Variants in PAG1 observed in about 807,000 individuals in gnomAD.
PAG1 encodes the protein phosphoprotein associated with glycosphingolipid-enriched microdomains 1.
In PAG1, 23 loss-of-function variants were observed where a neutral mutation model predicts 31.7. The observed-to-expected ratio is 0.73, with a 90% CI of 0.52 to 1.03. The LOEUF (loss-of-function observed/expected upper bound fraction) is 1.03, where lower values mean the gene tolerates loss of function less well. Among genes scored for constraint, PAG1 ranks in the 50% least tolerant of loss-of-function variants. The pLI is 0.00. For missense variants in PAG1, 473 were observed against 540.7 expected (o/e 0.87, Z 1.24); for synonymous variants, 214 against 210.3 (o/e 1.02, Z -0.15).
intron 3 of PAG1, among the ~76,000 whole-genome samples, chr8:81,005,227 T>G (rs1158472151): frequency 6.6e-6 from 1 of 152,178 alleles, no homozygotes; most frequent in Non-Finnish European, 1.5e-5. Flanking sequence ...TCCAGGTAAT[T>G]GTTTTCTGCT....
intron 1 of PAG1, among the ~76,000 whole-genome samples, chr8:81,106,615 T>A (rs1371283195): frequency 1.3e-5 from 2 of 152,182 alleles, no homozygotes; most frequent in African/African-American, 2.4e-5. Flanking sequence ...CAAAATATTA[T>A]AATCACAATA....
intron 2 of PAG1, among the ~76,000 whole-genome samples, chr8:81,041,520 C>T (rs898334308): frequency 2.0e-5 from 3 of 152,128 alleles, no homozygotes; most frequent in Admixed American, 6.5e-5. Flanking sequence ...ACTTTATATC[C>T]CTATTCCCAT....
chr8:81,099,367 G>A (rs1466137654), intron 1 of PAG1, among the ~76,000 whole-genome samples: 2 of 152,176 alleles, frequency 1.3e-5, no homozygotes, highest in Non-Finnish European at 2.9e-5. Context: ...AAAAGTAGTA[G>A]AGGGGGTGAC....
At chr8:81,053,429 T>G (rs1808764836) in intron 2 of PAG1, among the ~76,000 whole-genome samples, 1 of 152,236 alleles carries the variant, frequency 6.6e-6, no homozygotes, top group South Asian at 2.1e-4. Flanking sequence ...GATTCATATT[T>G]CCATGGCTTA....
At chr8:81,092,293 A>T (rs1257432042) in intron 1 of PAG1, among the ~76,000 whole-genome samples, 1 of 149,280 alleles carries the variant, frequency 6.7e-6, no homozygotes, top group Non-Finnish European at 1.5e-5. Context: ...CTGAGGCGGG[A>T]GGATTGCTTG....
intron 1 of PAG1, among the ~76,000 whole-genome samples, chr8:81,104,384 T>G (rs1352704661): frequency 1.9e-4 from 18 of 96,070 alleles, no homozygotes; most frequent in African/African-American, 7.7e-4. Flanking sequence ...TTGGCCTTCG[T>G]CCTTTTTTTT....
chr8:81,011,422 T>C (rs1807982781), intron 3 of PAG1, among the ~76,000 whole-genome samples: 1 of 152,210 alleles, frequency 6.6e-6, no homozygotes. Context: ...CCTGCCGCCA[T>C]GTAAGACATA....
chr8:81,025,472 GAGCAACTGTCT>G (rs1808259492), intron 3 of PAG1, among the ~76,000 whole-genome samples: 1 of 152,156 alleles, frequency 6.6e-6, no homozygotes, highest in Admixed American at 6.5e-5. Flanking sequence ...AGGCCTCCAG[GAGCAACTGTCT>G]AAATCCCCAT....
intron 2 of PAG1, among the ~76,000 whole-genome samples, chr8:81,045,967 A>G (rs545896705): frequency 2.0e-5 from 3 of 152,244 alleles, no homozygotes; most frequent in Non-Finnish European, 4.4e-5. Context: ...GTGTAACAGC[A>G]TAACTCGACC....
rs1377448009 is a variant in PAG1, at chr8:80,968,276, T to G, written c.*8268A>C. On this transcript the variant is annotated 3_prime_UTR_variant, in exon 9 of 9. Coordinates refer to ENST00000220597, the MANE Select transcript of PAG1 (RefSeq NM_018440.4). ...TTATTTCGTTTGTCCCCATAACATC[T>G]CTATGAGGTAGGCAATGGTTAGTAT... The G allele has an allele frequency of 6.6e-6, 1 of 152,232 alleles. No homozygotes were observed. The highest frequency in any genetic ancestry group is 1.5e-5 in the Non-Finnish European group (1 of 68,050). 9.4% of individuals were successfully genotyped at this position (152,232 alleles called of 1,614,324 possible).
intron 1 of PAG1, among the ~76,000 whole-genome samples, chr8:81,077,881 C>T (rs900734429): frequency 6.6e-6 from 1 of 152,152 alleles, no homozygotes; most frequent in Admixed American, 6.5e-5. Context: ...TCAAAGAGAG[C>T]CAGAAGGGAA....
Position 81,020,636 on chromosome 8 carries a change from T to C in PAG1, c.-81+9360A>G, listed in dbSNP as rs137869795. Among the ~76,000 whole-genome samples, 155 of 152,330 alleles carry C rather than the reference T, an allele frequency of 1.0e-3. 3 individuals carry two copies. The East Asian group carries it at 0.029, about 28-fold the overall frequency. ...GTGATTCCATTAAACCTCTTTCCTTTATAAATTACCCAGTCTTGTGTATGT... is the reference window on the plus strand; with the variant it reads ...GTGATTCCATTAAACCTCTTTCCTTCATAAATTACCCAGTCTTGTGTATGT... On this transcript the variant is annotated intron_variant, in intron 3 of 8. Transcript: ENST00000220597.
rs543646776 is a variant in PAG1, at chr8:81,103,459, C to T, written c.-234+8132G>A. On this transcript the variant is annotated intron_variant, in intron 1 of 8. Transcript: ENST00000220597. ...ACCCACCCATCTGAACCCTGTATCT[C>T]AGTTTCCTCATATGTATAACGGGAG... Among the ~76,000 whole-genome samples, 12 of 152,308 alleles carry T rather than the reference C, an allele frequency of 7.9e-5. No homozygotes were observed. In the South Asian group the frequency reaches 2.5e-3, roughly 32 times the overall value.
At chr8:81,082,252 C>CAAAAA (rs748117144) in intron 1 of PAG1, among the ~76,000 whole-genome samples, 649 of 40,198 alleles carry the variant, frequency 0.016, no homozygotes, top group Non-Finnish European at 0.026. Flanking sequence ...GACTCTGTCT[C>CAAAAA]AAAAAAAAAA....
intron 2 of PAG1, among the ~76,000 whole-genome samples, chr8:81,053,306 A>G (rs1268336485): frequency 6.6e-6 from 1 of 152,240 alleles, no homozygotes; most frequent in Non-Finnish European, 1.5e-5. Flanking sequence ...AATAAGTCAT[A>G]AACCTGTGTT....
intron 2 of PAG1, among the ~76,000 whole-genome samples, chr8:81,050,075 GTAAA>G (rs945351226): frequency 1.3e-5 from 2 of 152,106 alleles, no homozygotes; most frequent in African/African-American, 2.4e-5. Context: ...AAATTAACTT[GTAAA>G]TATTTTTCCT....
chr8:81,051,717 T>C (rs906151030), intron 2 of PAG1, among the ~76,000 whole-genome samples: 6 of 152,264 alleles, frequency 3.9e-5, no homozygotes, highest in Non-Finnish European at 8.8e-5. Flanking sequence ...CTTTGATCTT[T>C]GATTTTATGT....
At chr8:81,036,890 G>A (rs893526122) in intron 2 of PAG1, 3 of 151,940 alleles carry the variant, frequency 2.0e-5, no homozygotes, top group Admixed American at 6.6e-5. Context: ...TCACACACTC[G>A]AACAGCTGAA....
intron 7 of PAG1, among the ~76,000 whole-genome samples, chr8:80,982,779 C>T (rs1364407068): frequency 1.3e-5 from 2 of 152,190 alleles, no homozygotes; most frequent in African/African-American, 4.8e-5. Flanking sequence ...GGCCCAGCCT[C>T]GTACTCATCA....
Sources: gnomAD v4.1 joint callset for allele counts (sites outside exome capture counted in the v4.1 genomes callset) on GRCh38, gnomAD v4.1.1 for gene constraint, MANE v1.5 for transcripts, NCBI Gene and HGNC (gene_info 2026-07-23, HGNC 2026-07-21) for gene names.